TPH2: variants seen among roughly 807,000 people sequenced by gnomAD.
The protein encoded by TPH2 is tryptophan 5-hydroxylase 2.
Under a neutral mutation model 59.1 loss-of-function variants are expected in TPH2, and 27 were observed. The observed-to-expected ratio is 0.46, with a 90% CI of 0.34 to 0.63. The LOEUF is 0.63. TPH2 is among the 30% of genes least tolerant of loss of function. The probability of loss-of-function intolerance (pLI) is 0.01; values close to 1 mark genes in which losing one functional copy is unlikely to be tolerated. For missense variants in TPH2, 523 were observed against 588.3 expected (o/e 0.89, Z 1.15); for synonymous variants, 220 against 210.5 (o/e 1.05, Z -0.39).
At chr12:71,947,817 C>G (rs1871236259) in intron 4 of TPH2, among the ~76,000 whole-genome samples, 2 of 152,112 alleles carry the variant, frequency 1.3e-5, no homozygotes, top group African/African-American at 2.4e-5. Flanking sequence ...GTAAATCGCT[C>G]TCTTGCGTCC....
chr12:71,985,831 G>A (rs969630919), intron 7 of TPH2, among the ~76,000 whole-genome samples: 1 of 152,118 alleles, frequency 6.6e-6, no homozygotes, highest in African/African-American at 2.4e-5. Flanking sequence ...GCTCCTTAGA[G>A]GCCTGCCCTC....
rs557517402 is a variant in TPH2, at chr12:71,995,683, C to G, written c.1068+1118C>G. ...AGGCTCTGGTGGGGGCTGTGGTGGA[C>G]AAGGACAGCATGTCTCTTGTATAGC... is the stretch of plus-strand genomic sequence containing the variant. On this transcript the variant is annotated intron_variant, in intron 8 of 10. Transcript: ENST00000333850. Among the ~76,000 whole-genome samples, 13 of 152,252 alleles carry G rather than the reference C, an allele frequency of 8.5e-5. No individual in the cohort carries two copies. In the South Asian group the frequency reaches 2.7e-3, roughly 32 times the overall value.
rs145219965 is a variant in TPH2 at position 72,007,138 on chromosome 12, C to T, written c.1068+12573C>T. Reference sequence around the variant, plus strand: ...GGTTTTAGATGGAGATAGCATGCTACTTTGCAATGTAAAGTGTTTTAACCA... The same window carrying T: ...GGTTTTAGATGGAGATAGCATGCTATTTTGCAATGTAAAGTGTTTTAACCA... On this transcript the variant is annotated intron_variant, in intron 8 of 10. Transcript: ENST00000333850. Among the ~76,000 whole-genome samples, 233 of 152,234 alleles carry T rather than the reference C, an allele frequency of 1.5e-3. 1 individual carries two copies. The highest frequency in any genetic ancestry group is 5.3e-3 in the African/African-American group (222 of 41,548).
chr12:71,951,390 T>C (rs946316032), intron 5 of TPH2, among the ~76,000 whole-genome samples: 2 of 152,270 alleles, frequency 1.3e-5, no homozygotes, highest in East Asian at 1.9e-4. Flanking sequence ...AGCCAGAACA[T>C]GGTAGAAGCT....
intron 7 of TPH2, among the ~76,000 whole-genome samples, chr12:71,982,618 G>A (rs191815098): frequency 5.3e-5 from 8 of 152,330 alleles, no homozygotes; most frequent in South Asian, 4.1e-4. Context: ...TTTCACAGGC[G>A]TTGTCTTTGT....
intron 8 of TPH2, among the ~76,000 whole-genome samples, chr12:72,015,441 T>G (rs944865429): frequency 2.0e-5 from 3 of 149,610 alleles, no homozygotes; most frequent in Non-Finnish European, 3.0e-5. Flanking sequence ...TGTCTCAGCC[T>G]CCTCAGTAGC....
chr12:71,997,395 T>C (rs1872720213), intron 8 of TPH2, among the ~76,000 whole-genome samples: 1 of 152,226 alleles, frequency 6.6e-6, no homozygotes, highest in Admixed American at 6.5e-5. Context: ...CATCAAAATC[T>C]TTATGGGATC....
chr12:72,025,834 A>G (rs1175517141), intron 9 of TPH2, among the ~76,000 whole-genome samples: 2 of 152,114 alleles, frequency 1.3e-5, no homozygotes, highest in Non-Finnish European at 2.9e-5. Flanking sequence ...TTCCTTTCAC[A>G]CTTTTTCTCT....
rs553631906 is a variant in TPH2 at position 72,032,238 on chromosome 12, G to A, written c.*543G>A. 6.1e-6 allele frequency: 1 copy of A among 165,246 alleles called. No homozygotes were observed. The highest frequency in any genetic ancestry group is 1.6e-4 in the South Asian group (1 of 6,244). The allele number at this position is 165,246 out of a possible 1,614,324, so 10.2% of individuals were successfully genotyped here. The stretch of plus-strand genomic sequence containing the variant: ...GCAGTTGGAATGATTTTTAGGTTGA[G>A]TATTTACACAATGCAAGAAAACACC... On this transcript the variant is annotated 3_prime_UTR_variant, in exon 11 of 11. Coordinates refer to ENST00000333850, the MANE Select transcript of TPH2 (RefSeq NM_173353.4).
At chr12:71,941,429 C>T (rs987789959) in intron 1 of TPH2, 155 bp from the exon 2 acceptor site, 3 of 388,520 alleles carry the variant, frequency 7.7e-6, no homozygotes, top group African/African-American at 6.6e-5. Flanking sequence ...ATATTTATGA[C>T]TGAAAGTTAT....
chr12:71,977,181 C>T (rs1462838509), intron 6 of TPH2, among the ~76,000 whole-genome samples: 3 of 152,166 alleles, frequency 2.0e-5, no homozygotes, highest in Admixed American at 1.3e-4. Flanking sequence ...CTGTATTCCC[C>T]GAGTAGCTGG....
chr12:71,958,640 C>T (rs747144465), intron 5 of TPH2, among the ~76,000 whole-genome samples: 6 of 152,144 alleles, frequency 3.9e-5, no homozygotes, highest in Non-Finnish European at 7.4e-5. Flanking sequence ...ATTTTTCCCT[C>T]TCTCCCAGGC....
intron 5 of TPH2, chr12:71,962,386 G>T: frequency 1.0e-6 from 1 of 985,438 alleles, no homozygotes; most frequent in Non-Finnish European, 1.2e-6. Context: ...GTCCCTTTGG[G>T]TTTACATATG....
rs768643315 is a variant in TPH2, at chr12:72,012,198, T to TAAC, written c.1069-10186_1069-10184dup. Among the ~76,000 whole-genome samples the TAAC allele has an allele frequency of 2.2e-4, 31 of 141,900 alleles. No homozygotes were observed. In the South Asian group the frequency reaches 2.7e-3, roughly 12 times the overall value. 93.1% of individuals were successfully genotyped at this position (141,900 alleles called of 152,430 possible). On this transcript the variant is annotated intron_variant, in intron 8 of 10. Coordinates refer to ENST00000333850, the MANE Select transcript of TPH2 (RefSeq NM_173353.4). ...TCAACAACAACAACAACAACAACAATAACAACAACAACAACAAAAGTCAGA... is the reference window on the plus strand; with the variant it reads ...TCAACAACAACAACAACAACAACAATAACAACAACAACAACAACAAAAGTCAGA...
At chr12:71,985,745 A>G (rs1872415397) in intron 7 of TPH2, among the ~76,000 whole-genome samples, 2 of 152,132 alleles carry the variant, frequency 1.3e-5, no homozygotes, top group Non-Finnish European at 1.5e-5. Context: ...GATTTGCTAG[A>G]ACCCTAAAGA....
In TPH2 at chr12:71,981,676, T is replaced by C. The variant is rs1872281371; in HGVS notation, c.941+2589T>C. 3.9e-5 allele frequency among the ~76,000 whole-genome samples: 6 copies of C among 152,024 alleles called. No individual in the cohort carries two copies. The South Asian group carries it at 1.0e-3, about 26-fold the overall frequency. On this transcript the variant is annotated intron_variant, in intron 7 of 10. Coordinates refer to ENST00000333850, the MANE Select transcript of TPH2 (RefSeq NM_173353.4). ...GGGAAGCTGAGTGGAAAGTCATTTCTAATAATGACTGAGAATATTGGAGGA... is the reference window on the plus strand; with the variant it reads ...GGGAAGCTGAGTGGAAAGTCATTTCCAATAATGACTGAGAATATTGGAGGA...
Position 71,949,605 on chromosome 12 carries a change from C to T in TPH2, c.558C>T (p.Val186=). The change falls in exon 5 of 11, where the codon GTC becomes GTT. Residue 186 remains valine (V), a synonymous_variant. Coordinates refer to ENST00000333850, the MANE Select transcript of TPH2 (RefSeq NM_173353.4). ...TGTTTAAGGGATTTAAGGACAATGT[C>T]TATCGACAGAGAAGAAAGTATTTTG... ...DADHPGFKDN[V]YRQRRKYFVD... The T allele has an allele frequency of 6.2e-7, 1 of 1,613,064 alleles. No homozygotes were observed. The highest frequency in any genetic ancestry group is 8.5e-7 in the Non-Finnish European group (1 of 1,179,250).
chr12:71,957,791 G>A (rs1320153781), intron 5 of TPH2, among the ~76,000 whole-genome samples: 1 of 152,182 alleles, frequency 6.6e-6, no homozygotes, highest in Non-Finnish European at 1.5e-5. Context: ...TCTTTAATCT[G>A]GAAAATTGCC....
At chr12:72,012,224 C>A (rs1873118504) in intron 8 of TPH2, among the ~76,000 whole-genome samples, 2 of 150,226 alleles carry the variant, frequency 1.3e-5, no homozygotes, top group African/African-American at 4.9e-5. Flanking sequence ...AAAAGTCAGA[C>A]CCTCTTCCTG....
Sources: allele counts gnomAD v4.1 joint callset (sites outside exome capture counted in the v4.1 genomes callset), GRCh38; gene constraint gnomAD v4.1.1; transcripts MANE v1.5; gene names NCBI Gene and HGNC (gene_info 2026-07-23, HGNC 2026-07-21).